Variants in LDB2 observed in about 807,000 individuals in gnomAD.
The protein encoded by LDB2 is LIM domain binding 2.
In LDB2, 12 loss-of-function variants were observed where a neutral mutation model predicts 44.3. That is an observed-to-expected ratio of 0.27 (90% confidence interval 0.17 to 0.44). The LOEUF is 0.44. LDB2 is among the 20% of genes least tolerant of loss of function. The pLI is 1.00. For missense variants in LDB2, 344 were observed against 473.5 expected, an observed-to-expected ratio of 0.73 and a Z score of 2.54; for synonymous variants, 164 against 174.8, an observed-to-expected ratio of 0.94 and a Z score of 0.49.
At chr4:16,511,814 C>A (rs930577402) in intron 6 of LDB2, 167 bp downstream of exon 6, 3 of 696,520 alleles carry the variant, frequency 4.3e-6, no homozygotes, top group Non-Finnish European at 6.8e-6. Context: ...GGATGTTTGC[C>A]TGTCACAAAT....
At chr4:16,598,548 G>A (rs981573678) in intron 2 of LDB2, among the ~76,000 whole-genome samples, 1 of 152,094 alleles carries the variant, frequency 6.6e-6, no homozygotes, top group Non-Finnish European at 1.5e-5. Context: ...AGAAACATAA[G>A]TAAATAAAAG....
chr4:16,755,675 C>T (rs1766484068), intron 2 of LDB2, among the ~76,000 whole-genome samples: 1 of 152,046 alleles, frequency 6.6e-6, no homozygotes, highest in South Asian at 2.1e-4. Flanking sequence ...GTTTTTAGCC[C>T]TAATGTTCTT....
At chr4:16,510,500 A>T (rs907699364) in intron 6 of LDB2, among the ~76,000 whole-genome samples, 2 of 152,190 alleles carry the variant, frequency 1.3e-5, no homozygotes, top group African/African-American at 4.8e-5. Flanking sequence ...CCTTAAGAGT[A>T]TAAATTTGGT....
At chr4:16,572,639 G>T (rs1035733422) in intron 5 of LDB2, among the ~76,000 whole-genome samples, 3 of 151,996 alleles carry the variant, frequency 2.0e-5, no homozygotes, top group Admixed American at 6.6e-5. Flanking sequence ...TCTTTGGCCT[G>T]ACTTCAGAAA....
chr4:16,737,834 T>C (rs971506021), intron 2 of LDB2, among the ~76,000 whole-genome samples: 1 of 152,190 alleles, frequency 6.6e-6, no homozygotes, highest in Non-Finnish European at 1.5e-5. Flanking sequence ...CCTTCTTTCT[T>C]TTGTTTTTCT....
chr4:16,548,247 C>T (rs1448665953), intron 5 of LDB2, among the ~76,000 whole-genome samples: 7 of 152,148 alleles, frequency 4.6e-5, no homozygotes, highest in African/African-American at 1.7e-4. Flanking sequence ...CTGTGCAGTA[C>T]CTTAGGAGCC....
chr4:16,598,248 G>A (rs535996186), intron 2 of LDB2, among the ~76,000 whole-genome samples: 11 of 152,144 alleles, frequency 7.2e-5, no homozygotes, highest in African/African-American at 1.7e-4. Context: ...AAAAGAACTC[G>A]AAGCTTTCAC....
At chr4:16,506,126 T>G in intron 7 of LDB2, 5 of 728,696 alleles carry the variant, frequency 6.9e-6, no homozygotes, top group South Asian at 2.1e-5. Context: ...TGCCTGCAGG[T>G]AGCATCTCTA....
At chr4:16,525,090 A>G (rs1000509345) in intron 5 of LDB2, among the ~76,000 whole-genome samples, 3 of 152,218 alleles carry the variant, frequency 2.0e-5, no homozygotes, top group Admixed American at 6.5e-5. Flanking sequence ...ATGCAGTTAT[A>G]ATCCCTTCTG....
At chr4:16,819,747 G>A (rs561103115) in intron 1 of LDB2, among the ~76,000 whole-genome samples, 4 of 152,272 alleles carry the variant, frequency 2.6e-5, no homozygotes, top group African/African-American at 7.2e-5. Flanking sequence ...TTAAAGCAGC[G>A]ATCTAGGGAT....
chr4:16,591,776 T>C (rs1719055186), intron 3 of LDB2, among the ~76,000 whole-genome samples: 1 of 152,168 alleles, frequency 6.6e-6, no homozygotes, highest in African/African-American at 2.4e-5. Context: ...AAAACAGGCA[T>C]AGCCTATAAA....
chr4:16,627,373 A>T (rs1382784762), intron 2 of LDB2, among the ~76,000 whole-genome samples: 1 of 152,230 alleles, frequency 6.6e-6, no homozygotes, highest in Non-Finnish European at 1.5e-5. Flanking sequence ...TGTTAAAAAC[A>T]TTAGACTCCC....
At chr4:16,679,127 T>A (rs1438261680) in intron 2 of LDB2, among the ~76,000 whole-genome samples, 2 of 152,230 alleles carry the variant, frequency 1.3e-5, no homozygotes, top group Non-Finnish European at 2.9e-5. Context: ...GCAAATGTAA[T>A]CTTTTTAGTC....
rs1411665354 is a variant in LDB2, at chr4:16,728,905, T to C, written c.235+30253A>G. 9.2e-5 allele frequency among the ~76,000 whole-genome samples: 14 copies of C among 152,370 alleles called. No individual in the cohort carries two copies. The East Asian group carries it at 2.1e-3, about 23-fold the overall frequency. ...CTAAAATGAGGCTCCACAAGACTTT[T>C]TGCCCAGGCAGCTTGCATGCAAATA... On this transcript the variant is annotated intron_variant, in intron 2 of 7. Transcript: ENST00000304523.
intron 5 of LDB2, among the ~76,000 whole-genome samples, chr4:16,542,918 TC>T (rs1442281135): frequency 1.3e-5 from 1 of 74,378 alleles, no homozygotes; most frequent in Non-Finnish European, 2.5e-5. Flanking sequence ...ATGCTATCCC[TC>T]CCCCCTCCCC....
intron 1 of LDB2, among the ~76,000 whole-genome samples, chr4:16,843,085 T>C (rs1176740545): frequency 3.9e-5 from 6 of 152,322 alleles, no homozygotes; most frequent in Admixed American, 3.9e-4. Flanking sequence ...CTAATTGCAA[T>C]CATTCAGTAT....
At chr4:16,597,545 A>T (rs752528085) in intron 2 of LDB2, among the ~76,000 whole-genome samples, 1 of 152,224 alleles carries the variant, frequency 6.6e-6, no homozygotes, top group Non-Finnish European at 1.5e-5. Context: ...ATGCATTTCA[A>T]ATATTCTAAC....
In LDB2 at chr4:16,585,984, C is replaced by T. The variant is rs1217816744; in HGVS notation, c.553G>A (p.Asp185Asn). ...CTGGTGATGTTTTTGGACAGCTGAT[C>T]CAGGACCTGAGGATCTTGTGCCTAA... ...AMHAQDPQVL[D>N]QLSKNITRMG... Residue 185 changes from aspartate (D) to asparagine (N), a missense_variant, in exon 5 of 8, where the codon GAT (aspartate) becomes AAT (asparagine). Physicochemically the swap from Asp to Asn is conservative, Grantham distance 23 (BLOSUM62 1). Coordinates refer to ENST00000304523, the MANE Select transcript of LDB2 (RefSeq NM_001290.5). 6.2e-7 allele frequency: 1 copy of T among 1,613,632 alleles called. No individual in the cohort carries two copies. The highest frequency in any genetic ancestry group is 2.2e-5 in the East Asian group (1 of 44,874).
chr4:16,825,186 TATA>T (rs1158078077), intron 1 of LDB2, among the ~76,000 whole-genome samples: 1 of 152,178 alleles, frequency 6.6e-6, no homozygotes, highest in African/African-American at 2.4e-5. Context: ...TGTTTCATAG[TATA>T]ATGAGACCTG....
Sources: gnomAD v4.1 joint callset for allele counts (sites outside exome capture counted in the v4.1 genomes callset) on GRCh38, gnomAD v4.1.1 for gene constraint, MANE v1.5 for transcripts, NCBI Gene and HGNC (gene_info 2026-07-23, HGNC 2026-07-21) for gene names.